GPATCH2: variants seen among roughly 807,000 people sequenced by gnomAD.
The protein encoded by GPATCH2 is G patch domain-containing protein 2.
Under a neutral mutation model 58.0 loss-of-function variants are expected in GPATCH2, and 51 were observed. The observed-to-expected ratio is 0.88, with a 90% confidence interval of 0.70 to 1.11. The LOEUF (loss-of-function observed/expected upper bound fraction) is 1.11. GPATCH2 is among the 50% of genes most tolerant of loss of function. The pLI is 0.00. For missense variants in GPATCH2, 625 were observed against 652.2 expected (o/e 0.96, Z 0.45); for synonymous variants, 222 against 218.5 (o/e 1.02, Z -0.14).
rs1053279963 is a variant in GPATCH2, at chr1:217,460,008, A to G, written c.1278-10671T>C. 7.2e-5 allele frequency among the ~76,000 whole-genome samples: 11 copies of G among 152,144 alleles called. 1 individual carries two copies. Among genetic ancestry groups the G allele is most frequent in the Non-Finnish European group, 1.3e-4 (9 of 68,010 alleles). ...AAAGAGCAAAGTAGAGAATATATAT[A>G]TTTAATTTTATTTTTCCATTTAATA... On this transcript the variant is annotated intron_variant, in intron 8 of 9. Coordinates refer to ENST00000366935, the MANE Select transcript of GPATCH2 (RefSeq NM_018040.5).
intron 8 of GPATCH2, among the ~76,000 whole-genome samples, chr1:217,486,731 G>A (rs1661471291): frequency 6.6e-6 from 1 of 152,190 alleles, no homozygotes; most frequent in East Asian, 1.9e-4. Context: ...GGGGTTGTGA[G>A]CCTTAGAGTG....
chr1:217,495,002 A>T (rs2102540439), intron 7 of GPATCH2: 1 of 256,998 alleles, frequency 3.9e-6, no homozygotes, highest in South Asian at 1.5e-4. Context: ...ATATGGTGCG[A>T]AGTGCTTCTT....
intron 5 of GPATCH2, among the ~76,000 whole-genome samples, chr1:217,534,763 C>G (rs1227889458): frequency 6.6e-6 from 1 of 152,128 alleles, no homozygotes; most frequent in Non-Finnish European, 1.5e-5. Context: ...GGATAGGGTA[C>G]AAAATTTATT....
In GPATCH2 at chr1:217,610,976, T is replaced by G; in HGVS notation, c.931A>C (p.Thr311Pro). 6.2e-7 allele frequency: 1 copy of G among 1,613,346 alleles called. No homozygotes were observed. The highest frequency in any genetic ancestry group is 8.5e-7 in the Non-Finnish European group (1 of 1,179,516). ...VVPWWEKEDP[T>P]ELDKNVPDPV... is the part of the protein sequence containing the mutation. The stretch of plus-strand genomic sequence containing the variant: ...TCTGGTACATTTTTGTCTAGCTCAG[T>G]AGGATCTTCCTTTTCCCACCAGGGC... The change falls in exon 4 of 10, where the codon ACT (threonine) becomes CCT (proline). Residue 311 changes from threonine to proline, a missense_variant. Coordinates refer to ENST00000366935, the MANE Select transcript of GPATCH2 (RefSeq NM_018040.5).
chr1:217,529,160 A>C (rs1230307445), intron 5 of GPATCH2, among the ~76,000 whole-genome samples: 1 of 152,196 alleles, frequency 6.6e-6, no homozygotes, highest in Non-Finnish European at 1.5e-5. Context: ...TGCAAGAACA[A>C]GCATTTGTTA....
At chr1:217,611,092 C>A (rs753670527) in intron 3 of GPATCH2, 21 bp from the exon 4 acceptor site, 77 of 1,589,058 alleles carry the variant, frequency 4.8e-5, no homozygotes, top group South Asian at 3.1e-4. Context: ...ACAAGAAACC[C>A]CCCCCCACCA....
At chr1:217,436,142 C>T (rs1404628805) in intron 9 of GPATCH2, among the ~76,000 whole-genome samples, 1 of 150,872 alleles carries the variant, frequency 6.6e-6, no homozygotes, top group Non-Finnish European at 1.5e-5. Flanking sequence ...TAAACCGAAA[C>T]ATATTTCTTA....
intron 5 of GPATCH2, among the ~76,000 whole-genome samples, chr1:217,539,839 A>G (rs1187183152): frequency 1.3e-5 from 2 of 152,106 alleles, no homozygotes; most frequent in Non-Finnish European, 2.9e-5. Flanking sequence ...GCAATAGATA[A>G]CCCTGAAAGA....
chr1:217,439,798 T>G (rs967557998), intron 9 of GPATCH2, among the ~76,000 whole-genome samples: 5 of 152,128 alleles, frequency 3.3e-5, no homozygotes, highest in African/African-American at 4.8e-5. Flanking sequence ...ACATACACCC[T>G]CCCAAGACTA....
chr1:217,590,693 C>G (rs1189557474), intron 5 of GPATCH2, among the ~76,000 whole-genome samples: 1 of 152,168 alleles, frequency 6.6e-6, no homozygotes, highest in Non-Finnish European at 1.5e-5. Context: ...TAACACCAAG[C>G]TACTTCACAC....
chr1:217,450,123 G>A (rs897587765), intron 8 of GPATCH2, among the ~76,000 whole-genome samples: 1 of 152,070 alleles, frequency 6.6e-6, no homozygotes, highest in Non-Finnish European at 1.5e-5. Context: ...AGCATTTAAA[G>A]TCTTCAAACT....
At chr1:217,512,494 G>T (rs1271428557) in intron 6 of GPATCH2, among the ~76,000 whole-genome samples, 1 of 152,230 alleles carries the variant, frequency 6.6e-6, no homozygotes, top group African/African-American at 2.4e-5. Flanking sequence ...ATACCTCTGT[G>T]TAGGATTTCT....
intron 9 of GPATCH2, among the ~76,000 whole-genome samples, chr1:217,435,222 A>G (rs2102526515): frequency 6.6e-6 from 1 of 152,180 alleles, no homozygotes; most frequent in Admixed American, 6.5e-5. Flanking sequence ...TCTCCTGCTC[A>G]GGCAGCTTTA....
At chr1:217,445,888 C>T (rs574333697) in intron 9 of GPATCH2, among the ~76,000 whole-genome samples, 105 of 152,028 alleles carry the variant, frequency 6.9e-4, no homozygotes, top group Non-Finnish European at 1.3e-3. Flanking sequence ...AGCAGGTAAA[C>T]GTAATCAATT....
intron 5 of GPATCH2, among the ~76,000 whole-genome samples, chr1:217,524,875 AGGGGGGAGGGGGGAGGGGGGAGGGGGGAG>A (rs1663769339): frequency 9.2e-4 from 1 of 1,088 alleles, no homozygotes; most frequent in African/African-American, 4.3e-3. Flanking sequence ...GAGAGGGGAG[AGGGGGGAGGGGGGAGGGGGGAGGGGGGAG>A]GGGGGAGGGG....
At chr1:217,515,015 G>A (rs1663053160) in intron 5 of GPATCH2, 126 bp from the exon 6 acceptor site, 1 of 645,500 alleles carries the variant, frequency 1.5e-6, no homozygotes, top group South Asian at 1.8e-5. Flanking sequence ...TCAAATCTCA[G>A]ACAACACTGT....
intron 8 of GPATCH2, among the ~76,000 whole-genome samples, chr1:217,465,758 C>T (rs533636499): frequency 3.9e-4 from 59 of 152,158 alleles, no homozygotes; most frequent in Non-Finnish European, 7.9e-4. Flanking sequence ...ATGTCATTAT[C>T]AGAAGCATGA....
chr1:217,613,510 T>A (rs1201471083), intron 3 of GPATCH2, among the ~76,000 whole-genome samples: 1 of 152,064 alleles, frequency 6.6e-6, no homozygotes, highest in Non-Finnish European at 1.5e-5. Flanking sequence ...CATGAGCAGG[T>A]GTGACTAAAT....
chr1:217,584,025 A>G (rs1454521491), intron 5 of GPATCH2, among the ~76,000 whole-genome samples: 1 of 152,096 alleles, frequency 6.6e-6, no homozygotes, highest in African/African-American at 2.4e-5. Context: ...GCATAATGGA[A>G]GAAAAATGAT....
Sources: allele counts gnomAD v4.1 joint callset (sites outside exome capture counted in the v4.1 genomes callset), GRCh38; gene constraint gnomAD v4.1.1; transcripts MANE v1.5; gene names NCBI Gene and HGNC (gene_info 2026-07-23, HGNC 2026-07-21).